BMAL2: variants seen among roughly 807,000 people sequenced by gnomAD.
BMAL2 encodes the protein basic helix-loop-helix ARNT like 2.
chr12:27,353,309 A>G, the BMAL2 span, among the ~76,000 whole-genome samples: 1 of 152,230 alleles, frequency 6.6e-6, no homozygotes, highest in South Asian at 2.1e-4. Context: ...CAAAGCTGAC[A>G]GTTACAAACA....
chr12:27,406,597 C>T, the BMAL2 span, among the ~76,000 whole-genome samples: 3 of 152,260 alleles, frequency 2.0e-5, no homozygotes, highest in South Asian at 6.2e-4. Flanking sequence ...GAAGGAAGCA[C>T]TAAACATGGA....
At chr12:27,390,179 A>C in the BMAL2 span, 1 of 1,613,996 alleles carries the variant, frequency 6.2e-7, no homozygotes, top group Non-Finnish European at 8.5e-7. Flanking sequence ...CTGTCGGATA[A>C]AGAGTTGTAA....
the BMAL2 span, chr12:27,370,306 C>T: frequency 1.9e-6 from 2 of 1,072,978 alleles, no homozygotes; most frequent in South Asian, 2.7e-5. Context: ...AAACATGATA[C>T]ACGTCCCACT....
chr12:27,357,561 G>A, the BMAL2 span, among the ~76,000 whole-genome samples: 1 of 152,018 alleles, frequency 6.6e-6, no homozygotes, highest in African/African-American at 2.4e-5. Flanking sequence ...TAGCCAAAGC[G>A]CAAGACTAAG....
chr12:27,385,409 A>C, the BMAL2 span: 1 of 861,448 alleles, frequency 1.2e-6, no homozygotes, highest in Admixed American at 2.0e-5. Flanking sequence ...CAGCAGCAGC[A>C]TTGCTAATGT....
At chr12:27,364,207 C>T in the BMAL2 span, among the ~76,000 whole-genome samples, 8 of 152,248 alleles carry the variant, frequency 5.3e-5, no homozygotes, top group African/African-American at 1.9e-4. Flanking sequence ...TCCTAGTGGC[C>T]CCACCTTTTA....
the BMAL2 span, among the ~76,000 whole-genome samples, chr12:27,353,736 A>G: frequency 6.6e-6 from 1 of 152,096 alleles, no homozygotes; most frequent in Admixed American, 6.6e-5. Context: ...GCAACAAACA[A>G]CTGTATTAAA....
the BMAL2 span, among the ~76,000 whole-genome samples, chr12:27,406,567 A>C: frequency 5.3e-5 from 8 of 152,196 alleles, no homozygotes; most frequent in South Asian, 4.1e-4. Context: ...CACCACCAGG[A>C]CTGCCTTACA....
the BMAL2 span, among the ~76,000 whole-genome samples, chr12:27,349,629 G>A: frequency 4.7e-4 from 71 of 152,200 alleles, no homozygotes; most frequent in African/African-American, 1.6e-3. Flanking sequence ...CTTATGCCTG[G>A]CCATAAGCTC....
At chr12:27,410,051 T>C in the BMAL2 span, among the ~76,000 whole-genome samples, 1 of 151,816 alleles carries the variant, frequency 6.6e-6, no homozygotes, top group East Asian at 1.9e-4. Context: ...TGAGATACCA[T>C]CTCACACCAG....
chr12:27,389,583 A>G, the BMAL2 span, among the ~76,000 whole-genome samples: 28 of 152,312 alleles, frequency 1.8e-4, no homozygotes, highest in East Asian at 5.4e-3. Context: ...ACAAGAAAGT[A>G]TCATTTGGAT....
the BMAL2 span, among the ~76,000 whole-genome samples, chr12:27,394,983 C>T: frequency 6.6e-6 from 1 of 152,262 alleles, no homozygotes; most frequent in Admixed American, 6.5e-5. Flanking sequence ...TCTAGGCTTC[C>T]AGCCTCCAGA....
chr12:27,405,248 T>C, the BMAL2 span, among the ~76,000 whole-genome samples: 3 of 152,128 alleles, frequency 2.0e-5, no homozygotes, highest in Non-Finnish European at 4.4e-5. Flanking sequence ...TGGAAGACAG[T>C]AGTGGTTCTC....
At chr12:27,421,980 A>G in the BMAL2 span, 445 of 152,342 alleles carry the variant, frequency 2.9e-3, 8 homozygotes, top group African/African-American at 0.01. Flanking sequence ...TGACAAGTAC[A>G]TGTTTAAAAT....
the BMAL2 span, among the ~76,000 whole-genome samples, chr12:27,392,137 T>G: frequency 1.3e-5 from 2 of 152,202 alleles, no homozygotes; most frequent in Non-Finnish European, 2.9e-5. Context: ...GGTTTAGATT[T>G]GAATCCTAAC....
the BMAL2 span, among the ~76,000 whole-genome samples, chr12:27,346,239 A>G: frequency 6.6e-6 from 1 of 151,962 alleles, no homozygotes; most frequent in African/African-American, 2.4e-5. Context: ...CCTGAATGTG[A>G]TGATTAAACC....
the BMAL2 span, among the ~76,000 whole-genome samples, chr12:27,334,426 TAGTA>T: frequency 8.1e-3 from 1,228 of 152,338 alleles, 19 homozygotes; most frequent in African/African-American, 0.028. Context: ...ACTTAGGAAA[TAGTA>T]AGTGCTTCAT....
the BMAL2 span, among the ~76,000 whole-genome samples, chr12:27,340,398 G>A: frequency 1.3e-5 from 2 of 152,032 alleles, no homozygotes; most frequent in East Asian, 1.9e-4. Flanking sequence ...CAGCTTTGTC[G>A]AAGATCACAT....
chr12:27,333,612 C>T, the BMAL2 span, among the ~76,000 whole-genome samples: 2 of 152,188 alleles, frequency 1.3e-5, no homozygotes, highest in South Asian at 4.1e-4. Flanking sequence ...CGCGGCTTCC[C>T]GGCTTGAACC....
Sources: allele counts gnomAD v4.1 joint callset (sites outside exome capture counted in the v4.1 genomes callset), GRCh38; gene constraint gnomAD v4.1.1; transcripts MANE v1.5; gene names NCBI Gene and HGNC (gene_info 2026-07-23, HGNC 2026-07-21).